The following SVOPL variants were observed in gnomAD, a reference collection of about 807,000 sequenced individuals.
SVOPL encodes the protein SVOP like, also known as putative transporter SVOPL.
In SVOPL, 60 loss-of-function variants were observed where a neutral mutation model predicts 61.0. The observed-to-expected ratio is 0.98, with a 90% CI of 0.80 to 1.22. SVOPL has a LOEUF of 1.22. SVOPL is among the 50% of genes most tolerant of loss of function. SVOPL has a pLI of 0.00. For missense variants in SVOPL, 662 were observed against 643.9 expected, an observed-to-expected ratio of 1.03 and a Z score of -0.30; for synonymous variants, 279 against 250.0, an observed-to-expected ratio of 1.12 and a Z score of -1.09.
chr7:138,677,912 G>A (rs1802608991), intron 3 of SVOPL, among the ~76,000 whole-genome samples: 1 of 151,936 alleles, frequency 6.6e-6, no homozygotes. Flanking sequence ...ACAGGCACCA[G>A]CCACCAAGCC....
intron 2 of SVOPL, 104 bp downstream of exon 2, chr7:138,678,860 A>G: frequency 8.3e-7 from 1 of 1,199,852 alleles, no homozygotes; most frequent in Non-Finnish European, 1.2e-6. Flanking sequence ...GTGAGCCACC[A>G]TGCCTGGCTG....
At chr7:138,652,391 T>C (rs1437989817) in intron 7 of SVOPL, among the ~76,000 whole-genome samples, 1 of 151,796 alleles carries the variant, frequency 6.6e-6, no homozygotes, top group Non-Finnish European at 1.5e-5. Flanking sequence ...CTCACTGTGT[T>C]ATCTAGGCTG....
intron 9 of SVOPL, 92 bp from the exon 10 acceptor site, chr7:138,630,214 A>G: frequency 9.4e-7 from 1 of 1,059,178 alleles, no homozygotes; most frequent in Admixed American, 1.8e-5. Flanking sequence ...GATGAGAATC[A>G]TATTGGAGCA....
rs533599643 is a variant in SVOPL, at chr7:138,664,058, G to A, written c.274-913C>T. Among the ~76,000 whole-genome samples, 4 of 152,180 alleles carry A rather than the reference G, an allele frequency of 2.6e-5. No individual in the cohort carries two copies. In the East Asian group the frequency reaches 7.7e-4, roughly 29 times the overall value. On this transcript the variant is annotated intron_variant, in intron 4 of 15. Transcript: ENST00000674285. ...ACACTTTCTAGGACAGAAACGTTCC[G>A]TAACCCTGTTTGACAGACTGCAGAG... is the stretch of plus-strand genomic sequence containing the variant.
chr7:138,607,261 G>A (rs554768266), intron 14 of SVOPL, among the ~76,000 whole-genome samples: 1 of 152,284 alleles, frequency 6.6e-6, no homozygotes, highest in East Asian at 1.9e-4. Flanking sequence ...ATAGAAGTTT[G>A]GGGTTCATGA....
At chr7:138,602,175 GC>G (rs1259376740) in intron 14 of SVOPL, among the ~76,000 whole-genome samples, 3 of 151,960 alleles carry the variant, frequency 2.0e-5, no homozygotes, top group African/African-American at 7.2e-5. Flanking sequence ...CCTGTGAATA[GC>G]CTCTGCAGCC....
At chr7:138,620,525 G>A (rs1365331463) in intron 14 of SVOPL, among the ~76,000 whole-genome samples, 15 of 149,206 alleles carry the variant, frequency 1.0e-4, no homozygotes, top group African/African-American at 2.7e-4. Flanking sequence ...CCCCAGGGTC[G>A]CCATACCTGC....
chr7:138,662,802 A>C lies in SVOPL; in HGVS notation c.345+272T>G, dbSNP rs1228322348. ...CCACTTAGCGGCCTTCCTTCCTTTA[A>C]TCCTTCTGGGTAGAGATTTCTTAGA... On this transcript the variant is annotated intron_variant, in intron 5 of 15. Transcript: ENST00000674285. 10 of 1,248,624 alleles carry C rather than the reference A, an allele frequency of 8.0e-6. No individual in the cohort carries two copies. In the African/African-American group the frequency reaches 1.5e-4, roughly 19 times the overall value. 77.3% of individuals were successfully genotyped at this position (1,248,624 alleles called of 1,614,324 possible).
At position 138,659,492 on chromosome 7, in the gene SVOPL, GAA is replaced by G. The variant is rs11295502; in HGVS notation, c.470+370_470+371del. ...GAGCAACAGAGCCAGACTCTATCTC[GAA>G]AAAAAAAAAAAAAATTAATATGTTA... On this transcript the variant is annotated intron_variant, in intron 6 of 15. Transcript: ENST00000674285. Among the ~76,000 whole-genome samples, 446 of 140,122 alleles carry G rather than the reference GAA, an allele frequency of 3.2e-3. 1 individual carries two copies. Among genetic ancestry groups the G allele is most frequent in the Middle Eastern group, 0.015 (4 of 264 alleles). The allele number at this position is 140,122 out of a possible 152,430, so 91.9% of individuals were successfully genotyped here. A position where few individuals can be genotyped will look rare whatever the true frequency, so the allele number is the denominator to read the frequency against.
rs1289720197 is a variant in SVOPL at position 138,644,851 on chromosome 7, TAG to T, written c.661-8_661-7del. 6 of 1,613,914 alleles carry T rather than the reference TAG, an allele frequency of 3.7e-6. No individual in the cohort carries two copies. The highest frequency in any genetic ancestry group is 5.1e-6 in the Non-Finnish European group (6 of 1,180,012). On this transcript the variant is annotated splice_region_variant and splice_polypyrimidine_tract_variant and intron_variant, in intron 8 of 15. Coordinates refer to ENST00000674285, the MANE Select transcript of SVOPL (RefSeq NM_001139456.2). The stretch of plus-strand genomic sequence containing the variant: ...CGGGCAGATTCAGGAATAAACTGGG[TAG>T]AGATTACAAAGAACATCAGAGTGGC...
intron 4 of SVOPL, 41 bp from the exon 5 acceptor site, chr7:138,663,186 T>G (rs763605355): frequency 1.9e-6 from 3 of 1,598,872 alleles, no homozygotes; most frequent in Non-Finnish European, 2.6e-6. Context: ...CTAAGCAGGT[T>G]TTACATGTTA....
intron 14 of SVOPL, among the ~76,000 whole-genome samples, chr7:138,605,996 T>C (rs1200929129): frequency 7.0e-6 from 1 of 143,614 alleles, no homozygotes; most frequent in Non-Finnish European, 1.5e-5. Context: ...TTTTTTAAAT[T>C]GTTTTTTTCT....
chr7:138,668,082 G>C (rs887432469), intron 4 of SVOPL, among the ~76,000 whole-genome samples: 1 of 152,116 alleles, frequency 6.6e-6, no homozygotes, highest in Non-Finnish European at 1.5e-5. Flanking sequence ...TGGTGCTCTT[G>C]ATGGATCAGC....
intron 3 of SVOPL, among the ~76,000 whole-genome samples, chr7:138,678,029 G>C (rs572976172): frequency 1.6e-4 from 24 of 152,272 alleles, no homozygotes; most frequent in Admixed American, 1.5e-3. Context: ...GCCTCCCAAA[G>C]TGCTGGGATT....
At chr7:138,693,322 T>C (rs1210964266) in intron 1 of SVOPL, among the ~76,000 whole-genome samples, 2 of 151,822 alleles carry the variant, frequency 1.3e-5, no homozygotes, top group African/African-American at 4.8e-5. Flanking sequence ...AAGACCAGCT[T>C]GGGCTGGGTA....
chr7:138,654,531 G>A (rs1429201720), intron 7 of SVOPL, among the ~76,000 whole-genome samples: 4 of 120,564 alleles, frequency 3.3e-5, no homozygotes, highest in East Asian at 2.4e-4. Context: ...ACGGAGTCTC[G>A]CTCTGTCACC....
chr7:138,635,458 G>A (rs58476843), intron 9 of SVOPL, among the ~76,000 whole-genome samples: 9,496 of 150,944 alleles, frequency 0.063, 1,006 homozygotes, highest in African/African-American at 0.22. Flanking sequence ...GGCTGGTCTC[G>A]AACTCCTGGT....
At chr7:138,596,952 G>A (rs1418751655) in intron 14 of SVOPL, 11 of 1,120,458 alleles carry the variant, frequency 9.8e-6, no homozygotes, top group Non-Finnish European at 1.2e-5. Flanking sequence ...GCATGAAACA[G>A]GTGAAAGTTT....
intron 14 of SVOPL, among the ~76,000 whole-genome samples, chr7:138,607,320 G>A (rs1365214143): frequency 2.0e-5 from 3 of 152,166 alleles, no homozygotes; most frequent in African/African-American, 7.2e-5. Flanking sequence ...CCATCTCAAT[G>A]GAGAGTGAAA....
Sources: allele counts gnomAD v4.1 joint callset (sites outside exome capture counted in the v4.1 genomes callset), GRCh38; gene constraint gnomAD v4.1.1; transcripts MANE v1.5; gene names NCBI Gene and HGNC (gene_info 2026-07-23, HGNC 2026-07-21).